The following ADAM19 variants were observed in gnomAD, a reference collection of about 807,000 sequenced individuals.
ADAM19 encodes the protein ADAM metallopeptidase domain 19.
ADAM19 carries 65 observed loss-of-function variants against 114.7 expected under a neutral mutation model. The ratio of observed to expected loss-of-function variants is 0.57; its 90% CI spans 0.46 to 0.70. The LOEUF is 0.70. ADAM19 is among the 30% of genes least tolerant of loss of function. The probability of loss-of-function intolerance (pLI) is 0.00; values close to 1 mark genes in which losing one functional copy is unlikely to be tolerated. For synonymous variants in ADAM19, 466 were observed against 460.5 expected (o/e 1.01, Z -0.15); for missense variants, 1,063 against 1,204.7 (o/e 0.88, Z 1.74).
chr5:157,502,697 G>A, intron 12 of ADAM19, 106 bp downstream of exon 12: 1 of 1,287,810 alleles, frequency 7.8e-7, no homozygotes, highest in East Asian at 2.3e-5. Flanking sequence ...GTTATATGTA[G>A]GAAACACCTG....
rs1754676904 is a variant in ADAM19 at position 157,479,181 on chromosome 5, A to G, written c.*1768T>C. The G allele has an allele frequency of 1.0e-6, 1 of 985,754 alleles. No homozygotes were observed. Among genetic ancestry groups the G allele is most frequent in the South Asian group, 4.7e-5 (1 of 21,288 alleles). The allele number at this position is 985,754 out of a possible 1,614,324, so 61.1% of individuals were successfully genotyped here. On this transcript the variant is annotated 3_prime_UTR_variant, in exon 23 of 23. Transcript: ENST00000257527. The stretch of plus-strand genomic sequence containing the variant: ...ACCTGTATCACAGCCACCCTGAGGG[A>G]AGAGAAACTCATTTTCCTGAGATCT...
In ADAM19 at chr5:157,575,678, C is replaced by G. The variant is rs754706085; in HGVS notation, c.19G>C (p.Ala7Pro). The G allele has an allele frequency of 3.5e-5, 47 of 1,346,482 alleles. No homozygotes were observed. Among genetic ancestry groups the G allele is most frequent in the Non-Finnish European group, 4.2e-5 (44 of 1,055,854 alleles). The allele number at this position is 1,346,482 out of a possible 1,614,324, so 83.4% of individuals were successfully genotyped here. A position where few individuals can be genotyped will look rare whatever the true frequency, so the allele number is the denominator to read the frequency against. Residue 7 changes from alanine to proline, a missense_variant, in exon 1 of 23, where the codon GCC (alanine) becomes CCC (proline). Around this residue, in one of 3 missense-constraint regions of ADAM19, gnomAD observed 615 missense variants for 706.3 expected, o/e 0.87. Transcript: ENST00000257527. ...AACGCCAGCAAGCAGAGCCGGGCGG[C>G]GCCTGCGCCCCCTGGCATGGTGGCG... MPGGAG[A>P]ARLCLLAFAL...
chr5:157,491,394 T>A (rs1197973916), intron 18 of ADAM19, among the ~76,000 whole-genome samples: 2 of 152,208 alleles, frequency 1.3e-5, no homozygotes, highest in Admixed American at 6.5e-5. Context: ...GGGCTCCCCC[T>A]CCTCAGTAGA....
intron 4 of ADAM19, among the ~76,000 whole-genome samples, chr5:157,534,360 C>T (rs760967257): frequency 3.3e-5 from 5 of 152,016 alleles, no homozygotes; most frequent in Non-Finnish European, 5.9e-5. Flanking sequence ...CCCAGATACT[C>T]GGAAGGCTGA....
intron 5 of ADAM19, among the ~76,000 whole-genome samples, chr5:157,523,217 C>T (rs1446704084): frequency 1.3e-5 from 2 of 152,160 alleles, no homozygotes; most frequent in African/African-American, 4.8e-5. Flanking sequence ...TTTCTGCCTC[C>T]ATCAGTGAGT....
chr5:157,505,697 C>A lies in ADAM19; in HGVS notation c.1102G>T (p.Gly368Cys). 1 of 1,614,144 alleles carries A rather than the reference C, an allele frequency of 6.2e-7. No individual in the cohort carries two copies. The highest frequency in any genetic ancestry group is 8.5e-7 in the Non-Finnish European group (1 of 1,180,008). ...ADCCSASAAD[G>C]GCIMAAATGH... ...GTGGCAGCTGCCATGATGCACCCAC[C>A]ATCAGCCGCACTGGCCGAGCAGCAA... The change falls in exon 11 of 23, where the codon GGT (glycine) becomes TGT (cysteine). Residue 368 changes from glycine (G) to cysteine (C), a missense_variant. Around this residue, in one of 3 missense-constraint regions of ADAM19, gnomAD observed 615 missense variants for 706.3 expected, o/e 0.87. Transcript: ENST00000257527.
chr5:157,488,803 G>C (rs974659941), intron 20 of ADAM19, among the ~76,000 whole-genome samples: 1 of 152,124 alleles, frequency 6.6e-6, no homozygotes, highest in Non-Finnish European at 1.5e-5. Flanking sequence ...AGGCCGAGGC[G>C]GGTGGATCAC....
chr5:157,573,118 T>TACTTAATGGAGC (rs1280009064), intron 1 of ADAM19, among the ~76,000 whole-genome samples: 3 of 152,216 alleles, frequency 2.0e-5, no homozygotes, highest in African/African-American at 7.2e-5. Context: ...AATTCTATAA[T>TACTTAATGGAGC]ATTTAATGGA....
In ADAM19 at chr5:157,575,745, C is replaced by G; in HGVS notation, c.-49G>C. On this transcript the variant is annotated 5_prime_UTR_variant, in exon 1 of 23. Transcript: ENST00000257527. ...GGCGCTCACACGCCCTCAGCCATAC[C>G]TGCCCACTGCCCGGCGGTGGAGGCG... 1 of 1,227,832 alleles carries G rather than the reference C, an allele frequency of 8.1e-7. No individual in the cohort carries two copies. The highest frequency in any genetic ancestry group is 1.0e-6 in the Non-Finnish European group (1 of 975,622). The allele number at this position is 1,227,832 out of a possible 1,614,324, so 76.1% of individuals were successfully genotyped here. A position where few individuals can be genotyped will look rare whatever the true frequency, so the allele number is the denominator to read the frequency against.
chr5:157,571,624 A>C (rs2113802461), intron 1 of ADAM19, among the ~76,000 whole-genome samples: 1 of 152,262 alleles, frequency 6.6e-6, no homozygotes, highest in African/African-American at 2.4e-5. Flanking sequence ...GTTAAGTTTA[A>C]AAAAGATCAC....
chr5:157,523,048 A>G (rs1034240360), intron 5 of ADAM19, among the ~76,000 whole-genome samples: 5 of 152,200 alleles, frequency 3.3e-5, no homozygotes, highest in Non-Finnish European at 7.3e-5. Flanking sequence ...CACCCTCATG[A>G]GTCCCACTTT....
At chr5:157,543,560 G>A (rs13436270) in intron 3 of ADAM19, among the ~76,000 whole-genome samples, 24,622 of 152,136 alleles carry the variant, frequency 0.16, 2,387 homozygotes, top group African/African-American at 0.25. Context: ...TATTTGTAAA[G>A]TAGAAAGTAT....
chr5:157,522,977 C>T (rs2113745495), intron 5 of ADAM19, among the ~76,000 whole-genome samples: 1 of 152,256 alleles, frequency 6.6e-6, no homozygotes, highest in East Asian at 1.9e-4. Flanking sequence ...TAACTGGATG[C>T]CAGGCACTGT....
At chr5:157,568,532 C>T (rs1033977282) in intron 2 of ADAM19, 2 of 152,152 alleles carry the variant, frequency 1.3e-5, no homozygotes, top group African/African-American at 4.8e-5. Context: ...AGTAAGCTGA[C>T]CCACTATTTA....
At chr5:157,509,838 G>C (rs938202363) in intron 8 of ADAM19, among the ~76,000 whole-genome samples, 6 of 152,200 alleles carry the variant, frequency 3.9e-5, no homozygotes, top group African/African-American at 1.4e-4. Context: ...GGAAAAAGTT[G>C]TTCTGCATGA....
At chr5:157,526,659 C>T (rs1012223683) in intron 5 of ADAM19, among the ~76,000 whole-genome samples, 16 of 148,230 alleles carry the variant, frequency 1.1e-4, no homozygotes, top group East Asian at 2.0e-4. Context: ...CTTGCTTTGT[C>T]GCCCAAGCTG....
chr5:157,570,911 C>G lies in ADAM19; in HGVS notation c.164G>C (p.Ser55Thr), dbSNP rs901096877. ...LIIPQWKTSE[S>T]PVREKHPLKA... The stretch of plus-strand genomic sequence containing the variant: ...GAGTCTTACCTTTTCTCTCACGGGG[C>G]TTTCTGAAGTCTTCCACTGAGGTAT... The change falls in exon 2 of 23, where the codon AGC becomes ACC. Residue 55 changes from serine (S) to threonine (T), a missense_variant. Ser to Thr is a moderately conservative substitution (Grantham distance 58). This residue lies in a region of ADAM19 where 615 missense variants were observed against 706.3 expected (regional missense o/e 0.87). Transcript: ENST00000257527. The G allele has an allele frequency of 6.2e-7, 1 of 1,614,010 alleles. No homozygotes were observed. The highest frequency in any genetic ancestry group is 1.1e-5 in the South Asian group (1 of 91,078).
chr5:157,524,787 T>C (rs1208662669), intron 5 of ADAM19, among the ~76,000 whole-genome samples: 2 of 152,268 alleles, frequency 1.3e-5, no homozygotes, highest in East Asian at 1.9e-4. Context: ...GTAATAACAC[T>C]GCCCATCTCA....
chr5:157,516,212 C>T (rs1756085613), intron 7 of ADAM19, among the ~76,000 whole-genome samples: 1 of 152,200 alleles, frequency 6.6e-6, no homozygotes, highest in Admixed American at 6.5e-5. Context: ...ACCCCCACCC[C>T]AGTCCCTCAA....
Sources: gnomAD v4.1 joint callset for allele counts (sites outside exome capture counted in the v4.1 genomes callset) on GRCh38, gnomAD v4.1.1 for gene constraint, gnomAD v4.1.1 regional missense constraint, MANE v1.5 for transcripts, NCBI Gene and HGNC (gene_info 2026-07-23, HGNC 2026-07-21) for gene names.